The following STAG2 variants were observed in gnomAD, a reference collection of about 807,000 sequenced individuals.
STAG2 encodes cohesin subunit SA-2.
In STAG2, 14 loss-of-function variants were observed where a neutral mutation model predicts 108.1. That is an observed-to-expected ratio of 0.13 (90% CI 0.09 to 0.20). The LOEUF (loss-of-function observed/expected upper bound fraction) is 0.20. STAG2 is among the 10% of genes least tolerant of loss of function. STAG2 has a pLI of 1.00. For missense variants in STAG2, 440 were observed against 940.9 expected (o/e 0.47, Z 6.96); for synonymous variants, 307 against 302.7 (o/e 1.01, Z -0.15).
rs756773201 is a variant in STAG2, at chrX:124,083,565, A to G, written c.3053+16A>G. 1 of 1,138,275 alleles carries G rather than the reference A, an allele frequency of 8.8e-7. No individual in the cohort carries two copies. The highest frequency in any genetic ancestry group is 2.7e-5 in the Admixed American group (1 of 36,492). 93.8% of individuals were successfully genotyped at this position (1,138,275 alleles called of 1,213,427 possible). A position where few individuals can be genotyped will look rare whatever the true frequency, so the allele number is the denominator to read the frequency against. On this transcript the variant is annotated intron_variant, in intron 29 of 34. Transcript: ENST00000371145. ...AAAGAACAGTGTATGTATTTGCTGGAAATGTCCTATTTAATTTCATTTTGG... is the reference window on the plus strand; with the variant it reads ...AAAGAACAGTGTATGTATTTGCTGGGAATGTCCTATTTAATTTCATTTTGG...
At chrX:124,090,208 C>T (rs1364257880) in intron 30 of STAG2, among the ~76,000 whole-genome samples, 1 of 104,289 alleles carries the variant, frequency 9.6e-6, no homozygotes, top group African/African-American at 3.5e-5. Context: ...TGTTTCCTGC[C>T]TTAGTGTTCT....
At chrX:124,006,630 G>C (rs191914736) in intron 1 of STAG2, among the ~76,000 whole-genome samples, 30 of 109,761 alleles carry the variant, frequency 2.7e-4, no homozygotes, top group Non-Finnish European at 4.0e-4. Context: ...TAGTAGAGAC[G>C]GGGTTTCACT....
chrX:124,095,271 G>A (rs1054663860), intron 33 of STAG2, 101 bp from the exon 34 acceptor site: 2 of 653,695 alleles, frequency 3.1e-6, no homozygotes, highest in Admixed American at 5.4e-5. Flanking sequence ...AGGTACACTT[G>A]GAATCACATA....
chrX:123,986,375 A>G (rs1418890701), intron 1 of STAG2, among the ~76,000 whole-genome samples: 1 of 110,663 alleles, frequency 9.0e-6, no homozygotes, highest in Non-Finnish European at 1.9e-5. Context: ...GGAGATGTGT[A>G]TGCTACCTGA....
At chrX:124,086,860 G>A in intron 30 of STAG2, 90 bp downstream of exon 30, 1 of 729,384 alleles carries the variant, frequency 1.4e-6, no homozygotes, top group Non-Finnish European at 1.9e-6. Flanking sequence ...TATTTGAGAT[G>A]TGTTCAATAA....
chrX:124,079,128 A>G (rs1476188495), intron 27 of STAG2, among the ~76,000 whole-genome samples: 1 of 108,899 alleles, frequency 9.2e-6, no homozygotes, highest in Non-Finnish European at 1.9e-5. Flanking sequence ...TCTTTTAGGA[A>G]TGTCCTTTTT....
At chrX:123,991,911 G>A (rs1025502124) in intron 1 of STAG2, among the ~76,000 whole-genome samples, 2 of 112,617 alleles carry the variant, frequency 1.8e-5, no homozygotes, top group Admixed American at 9.4e-5. Flanking sequence ...TGATCCACCC[G>A]CCTCAGCGGG....
At chrX:124,083,127 A>G (rs919732548) in intron 28 of STAG2, among the ~76,000 whole-genome samples, 4 of 111,835 alleles carry the variant, frequency 3.6e-5, no homozygotes, top group African/African-American at 1.3e-4. Flanking sequence ...ATTATTTTCT[A>G]TGGAAAAAAG....
At chrX:123,981,994 C>T (rs995984310) in intron 1 of STAG2, among the ~76,000 whole-genome samples, 4 of 110,969 alleles carry the variant, frequency 3.6e-5, no homozygotes, top group African/African-American at 9.9e-5. Flanking sequence ...CACCTCACTA[C>T]CCCTGGCCAC....
intron 21 of STAG2, 33 bp from the exon 22 acceptor site, chrX:124,066,142 A>ATTT: frequency 1.3e-6 from 1 of 772,660 alleles, no homozygotes; most frequent in Non-Finnish European, 1.7e-6. Flanking sequence ...AATAAAACTT[A>ATTT]ATTTTTTTTT....
At chrX:123,961,253 T>C (rs1230857292), upstream of STAG2, 2 of 109,015 alleles carry the variant, frequency 1.8e-5, no homozygotes, top group Non-Finnish European at 3.8e-5. Flanking sequence ...GCTGAAGATT[T>C]TCTCTTCCTT....
intron 13 of STAG2, among the ~76,000 whole-genome samples, chrX:124,053,275 A>G (rs1212009293): frequency 8.9e-6 from 1 of 112,388 alleles, no homozygotes; most frequent in East Asian, 2.8e-4. Flanking sequence ...CGTTTTATAA[A>G]AATACCTAGA....
chrX:123,960,947 GTA>G (rs994617759), upstream of STAG2: 14 of 112,238 alleles, frequency 1.2e-4, no homozygotes, highest in African/African-American at 3.6e-4. Flanking sequence ...CGTGAGGTGT[GTA>G]TGATTGAAAC....
At chrX:124,003,296 A>G (rs1418572768) in intron 1 of STAG2, among the ~76,000 whole-genome samples, 2 of 110,151 alleles carry the variant, frequency 1.8e-5, no homozygotes, top group African/African-American at 6.6e-5. Context: ...TACAGTTGCT[A>G]ATCTTGTTTG....
chrX:123,982,036 C>T (rs2054901377), intron 1 of STAG2, among the ~76,000 whole-genome samples: 1 of 111,233 alleles, frequency 9.0e-6, no homozygotes, highest in South Asian at 3.8e-4. Context: ...TGCTGCTTTT[C>T]TTCACATTTA....
intron 1 of STAG2, among the ~76,000 whole-genome samples, chrX:123,991,034 A>G (rs1249146641): frequency 2.7e-5 from 3 of 112,357 alleles, no homozygotes; most frequent in East Asian, 2.8e-4. Context: ...TATTCATGCC[A>G]GTGTGCTTTC....
chrX:124,072,159 T>G (rs928932252), intron 25 of STAG2, among the ~76,000 whole-genome samples: 1 of 110,999 alleles, frequency 9.0e-6, no homozygotes, highest in African/African-American at 3.3e-5. Flanking sequence ...CTACAGGTGG[T>G]GTGCCACCGT....
Position 124,100,736 on chromosome X carries a change from G to A in STAG2, c.*139G>A, listed in dbSNP as rs995154591. On this transcript the variant is annotated 3_prime_UTR_variant, in exon 35 of 35. Transcript: ENST00000371145. ...ACATGCTTATGCTTACCAAGATCAAGTGCATTGAGGGGCAGTTTTGTTTGC... is the reference window on the plus strand; with the variant it reads ...ACATGCTTATGCTTACCAAGATCAAATGCATTGAGGGGCAGTTTTGTTTGC... 96 of 409,046 alleles carry A rather than the reference G, an allele frequency of 2.3e-4. No homozygotes were observed. Among genetic ancestry groups the A allele is most frequent in the Non-Finnish European group, 2.2e-4 (52 of 240,582 alleles). 33.7% of individuals were successfully genotyped at this position (409,046 alleles called of 1,213,427 possible). A position where few individuals can be genotyped will look rare whatever the true frequency, so the allele number is the denominator to read the frequency against.
chrX:123,972,310 G>A (rs1202816114), intron 1 of STAG2, among the ~76,000 whole-genome samples: 49 of 102,779 alleles, frequency 4.8e-4, no homozygotes, highest in Non-Finnish European at 7.7e-4. Flanking sequence ...AGGTGGAGTC[G>A]CCCAGGCTGG....
Sources: allele counts gnomAD v4.1 joint callset (sites outside exome capture counted in the v4.1 genomes callset), GRCh38; gene constraint gnomAD v4.1.1; transcripts MANE v1.5; gene names NCBI Gene and HGNC (gene_info 2026-07-23, HGNC 2026-07-21).